ZNF597: variants seen among roughly 807,000 people sequenced by gnomAD.
ZNF597 encodes the protein zinc finger protein 597.
ZNF597 carries 5 observed loss-of-function variants against 7.3 expected under a neutral mutation model. The ratio of observed to expected loss-of-function variants is 0.68; its 90% CI spans 0.36 to 1.44. The LOEUF (loss-of-function observed/expected upper bound fraction) is 1.44, where lower values mean the gene tolerates loss of function less well. Among genes scored for constraint, ZNF597 ranks in the 40% most tolerant of loss-of-function variants. The pLI is 0.04. For synonymous variants in ZNF597, 209 were observed against 185.4 expected (o/e 1.13, Z -1.04); for missense variants, 585 against 517.9 (o/e 1.13, Z -1.26).
chr16:3,433,348 A>G lies in ZNF597; in HGVS notation c.*3076T>C, dbSNP rs565892338. The G allele has an allele frequency of 5.3e-5, 8 of 152,366 alleles. No individual in the cohort carries two copies. Among genetic ancestry groups the G allele is most frequent in the African/African-American group, 1.9e-4 (8 of 41,584 alleles). The allele number at this position is 152,366 out of a possible 1,614,324, so 9.4% of individuals were successfully genotyped here. A position where few individuals can be genotyped will look rare whatever the true frequency, so the allele number is the denominator to read the frequency against. Reference sequence around the variant, plus strand: ...GTTTAAAAGACTGTTTAACTATTCCAGCAATCATGTTAAGGAACTGTTGGA... The same window carrying G: ...GTTTAAAAGACTGTTTAACTATTCCGGCAATCATGTTAAGGAACTGTTGGA... On this transcript the variant is annotated 3_prime_UTR_variant, in exon 4 of 4. Coordinates refer to ENST00000301744, the MANE Select transcript of ZNF597 (RefSeq NM_152457.3).
intron 3 of ZNF597, among the ~76,000 whole-genome samples, chr16:3,438,857 G>C (rs2034333825): frequency 6.6e-6 from 1 of 152,054 alleles, no homozygotes; most frequent in Non-Finnish European, 1.5e-5. Context: ...AATACAAAAG[G>C]AACTTTTCTT....
Position 3,436,777 on chromosome 16 carries a change from A to T in ZNF597, c.922T>A (p.Ser308Thr), listed in dbSNP as rs1362074281. The change falls in exon 4 of 4, where the codon TCC becomes ACC. Residue 308 changes from serine to threonine, a missense_variant. Ser to Thr is a moderately conservative substitution (Grantham distance 58). Coordinates refer to ENST00000301744, the MANE Select transcript of ZNF597 (RefSeq NM_152457.3). ...HTKCMKSFRQ[S>T]LYPALSEKSH... ...TTCTCGGAAAGGGCAGGATATAAGG[A>T]CTGCCTGAAGCTCTTCATGCACTTA... 2 of 1,613,510 alleles carry T rather than the reference A, an allele frequency of 1.2e-6. No homozygotes were observed. Among genetic ancestry groups the T allele is most frequent in the Non-Finnish European group, 1.7e-6 (2 of 1,180,024 alleles).
rs954359479 is a variant in ZNF597 at position 3,435,263 on chromosome 16, A to G, written c.*1161T>C. 1.3e-5 allele frequency: 2 copies of G among 152,146 alleles called. No individual in the cohort carries two copies. Among genetic ancestry groups the G allele is most frequent in the South Asian group, 2.1e-4 (1 of 4,820 alleles). The allele number at this position is 152,146 out of a possible 1,614,324, so 9.4% of individuals were successfully genotyped here. On this transcript the variant is annotated 3_prime_UTR_variant, in exon 4 of 4. Transcript: ENST00000301744. ...GAGTCTTCTGCTGCTTTGTAACTGTATATGTTAGTCAGGCTTTGGGTACAG... is the reference window on the plus strand; with the variant it reads ...GAGTCTTCTGCTGCTTTGTAACTGTGTATGTTAGTCAGGCTTTGGGTACAG...
chr16:3,437,351 G>C lies in ZNF597; in HGVS notation c.348C>G (p.Val116=). 1 of 1,614,148 alleles carries C rather than the reference G, an allele frequency of 6.2e-7. No individual in the cohort carries two copies. The highest frequency in any genetic ancestry group is 1.3e-5 in the African/African-American group (1 of 75,028). Residue 116 remains valine (V), a synonymous_variant, in exon 4 of 4, where the codon GTC becomes GTG. Transcript: ENST00000301744. ...LSGTPTYKRR[V]ISLLVTIENH... ...TTTCAATGGTAACTAAAAGGCTGAT[G>C]ACCCTTCTCTTGTAAGTGGGAGTTC...
In ZNF597 at chr16:3,433,920, A is replaced by G. The variant is rs930087972; in HGVS notation, c.*2504T>C. The G allele has an allele frequency of 6.6e-6, 1 of 151,990 alleles. No individual in the cohort carries two copies. 9.4% of individuals were successfully genotyped at this position (151,990 alleles called of 1,614,324 possible). On this transcript the variant is annotated 3_prime_UTR_variant, in exon 4 of 4. Coordinates refer to ENST00000301744, the MANE Select transcript of ZNF597 (RefSeq NM_152457.3). The stretch of plus-strand genomic sequence containing the variant: ...TATGTTAATGTTTCTGAAAAGGGCT[A>G]TTTTTTCTAATCTTTTAGGAAGTTT...
rs1164024674 is a variant in ZNF597 at position 3,436,943 on chromosome 16, G to C, written c.756C>G (p.Leu252=). The part of the protein sequence containing the change: ...CSICGRGFMW[L]PGLAQHQKSH... ...TTTTCTGATGCTGTGCCAATCCTGG[G>C]AGCCACATAAAACCTCTACCACATA... Residue 252 remains leucine, a synonymous_variant, in exon 4 of 4, where the codon CTC becomes CTG. Transcript: ENST00000301744. 1 of 1,614,034 alleles carries C rather than the reference G, an allele frequency of 6.2e-7. No homozygotes were observed. Among genetic ancestry groups the C allele is most frequent in the East Asian group, 2.2e-5 (1 of 44,896 alleles).
intron 3 of ZNF597, among the ~76,000 whole-genome samples, chr16:3,440,125 G>A (rs1310556680): frequency 6.6e-6 from 1 of 152,184 alleles, no homozygotes; most frequent in Non-Finnish European, 1.5e-5. Context: ...GTCAGGCACA[G>A]GAGTCCATCT....
chr16:3,440,138 G>A (rs2150933876), intron 3 of ZNF597, among the ~76,000 whole-genome samples: 1 of 152,318 alleles, frequency 6.6e-6, no homozygotes, highest in East Asian at 1.9e-4. Context: ...GTCCATCTGT[G>A]TATGGTTCCC....
Position 3,436,422 on chromosome 16 carries a change from C to T in ZNF597, c.*2G>A. The T allele has an allele frequency of 6.2e-7, 1 of 1,611,080 alleles. No individual in the cohort carries two copies. Reference sequence around the variant, plus strand: ...CACTAATAACAATTTGTTATATTTACTTTACGTGGTGTTTTTTATGTGAGT... The same window carrying T: ...CACTAATAACAATTTGTTATATTTATTTTACGTGGTGTTTTTTATGTGAGT... On this transcript the variant is annotated 3_prime_UTR_variant, in exon 4 of 4. Coordinates refer to ENST00000301744, the MANE Select transcript of ZNF597 (RefSeq NM_152457.3).
chr16:3,436,476 G>C lies in ZNF597; in HGVS notation c.1223C>G (p.Ser408Trp), dbSNP rs1050729693. ...CTTATGAGTAATGAGATGCAAATTC[G>C]ACTTGAAAGTTTTCCCACACACGGT... ...KCTVCGKTFKSNLHLITHKRT... is the reference protein window; with the variant it reads ...KCTVCGKTFKWNLHLITHKRT... The change falls in exon 4 of 4, where the codon TCG becomes TGG. Residue 408 changes from serine (S) to tryptophan (W), a missense_variant. Physicochemically the swap from Ser to Trp is radical, Grantham distance 177. Transcript: ENST00000301744. 1 of 1,614,122 alleles carries C rather than the reference G, an allele frequency of 6.2e-7. No individual in the cohort carries two copies. The highest frequency in any genetic ancestry group is 2.2e-5 in the East Asian group (1 of 44,896).
At position 3,443,203 on chromosome 16, in the gene ZNF597, A is replaced by G; in HGVS notation, c.-50T>C. 6.3e-7 allele frequency: 1 copy of G among 1,588,556 alleles called. No individual in the cohort carries two copies. Among genetic ancestry groups the G allele is most frequent in the Non-Finnish European group, 8.6e-7 (1 of 1,163,692 alleles). Reference sequence around the variant, plus strand: ...CAAGACGCCACAGGGACTTCGTGACAAAGCTGCGGGGGGAGAGAACAGTTC... The same window carrying G: ...CAAGACGCCACAGGGACTTCGTGACGAAGCTGCGGGGGGAGAGAACAGTTC... On this transcript the variant is annotated 5_prime_UTR_variant, in exon 2 of 4. Transcript: ENST00000301744.
intron 3 of ZNF597, among the ~76,000 whole-genome samples, chr16:3,438,488 A>C (rs1261683895): frequency 6.6e-6 from 1 of 151,484 alleles, no homozygotes; most frequent in Non-Finnish European, 1.5e-5. Context: ...GCGTGAACCC[A>C]GGAGGCGGAG....
chr16:3,443,423 C>A lies in ZNF597; in HGVS notation c.-117G>T. ...GGAGCTGCAGAAAGCGACGCCCGAC[C>A]GAGACGCGACGAAGAACGCCACGGC... is the stretch of plus-strand genomic sequence containing the variant. On this transcript the variant is annotated 5_prime_UTR_variant, in exon 1 of 4. Transcript: ENST00000301744. 1.9e-6 allele frequency: 1 copy of A among 522,492 alleles called. No individual in the cohort carries two copies. Among genetic ancestry groups the A allele is most frequent in the African/African-American group, 2.0e-5 (1 of 50,632 alleles). 32.4% of individuals were successfully genotyped at this position (522,492 alleles called of 1,614,324 possible). A position where few individuals can be genotyped will look rare whatever the true frequency, so the allele number is the denominator to read the frequency against.
rs1290418480 is a variant in ZNF597, at chr16:3,434,534, A to C, written c.*1890T>G. 1.3e-5 allele frequency: 2 copies of C among 151,900 alleles called. No homozygotes were observed. The highest frequency in any genetic ancestry group is 1.3e-4 in the Admixed American group (2 of 15,230). The allele number at this position is 151,900 out of a possible 1,614,324, so 9.4% of individuals were successfully genotyped here. On this transcript the variant is annotated 3_prime_UTR_variant, in exon 4 of 4. Coordinates refer to ENST00000301744, the MANE Select transcript of ZNF597 (RefSeq NM_152457.3). ...ACATACAGAGCAGCACATTGTCTCAACTGTGGATCTGCAAACAAGAAACAA... is the reference window on the plus strand; with the variant it reads ...ACATACAGAGCAGCACATTGTCTCACCTGTGGATCTGCAAACAAGAAACAA...
In ZNF597 at chr16:3,436,946, C is replaced by T; in HGVS notation, c.753G>A (p.Trp251Ter). 6.2e-7 allele frequency: 1 copy of T among 1,614,148 alleles called. No homozygotes were observed. The highest frequency in any genetic ancestry group is 8.5e-7 in the Non-Finnish European group (1 of 1,180,034). The change falls in exon 4 of 4, where the codon TGG (tryptophan) becomes TGA (stop). Residue 251 changes from tryptophan (W) to a stop codon, truncating the protein, a stop_gained. Transcript: ENST00000301744. LOFTEE classifies it low-confidence loss of function (END_TRUNC). ...TCSICGRGFM[W>*]LPGLAQHQKS... ...TCTGATGCTGTGCCAATCCTGGGAG[C>T]CACATAAAACCTCTACCACATATGC...
intron 2 of ZNF597, among the ~76,000 whole-genome samples, chr16:3,441,969 G>C (rs2034383932): frequency 7.4e-6 from 1 of 135,724 alleles, no homozygotes; most frequent in Non-Finnish European, 1.5e-5. Context: ...GTCGCAGCGA[G>C]ACTGTCTCAA....
At chr16:3,441,919 G>A (rs1211596912) in intron 2 of ZNF597, among the ~76,000 whole-genome samples, 1 of 151,196 alleles carries the variant, frequency 6.6e-6, no homozygotes, top group Non-Finnish European at 1.5e-5. Context: ...GGCAGAGATT[G>A]CAGTGAGCCG....
At position 3,436,774 on chromosome 16, in the gene ZNF597, A is replaced by G; in HGVS notation, c.925T>C (p.Leu309=). The change falls in exon 4 of 4, where the codon TTA becomes CTA. Residue 309 remains leucine, a synonymous_variant. Transcript: ENST00000301744. The stretch of plus-strand genomic sequence containing the variant: ...CTCTTCTCGGAAAGGGCAGGATATA[A>G]GGACTGCCTGAAGCTCTTCATGCAC... ...TKCMKSFRQS[L]YPALSEKSHD... 1 of 1,613,646 alleles carries G rather than the reference A, an allele frequency of 6.2e-7. No individual in the cohort carries two copies.
chr16:3,439,135 T>C (rs761389100), intron 3 of ZNF597, among the ~76,000 whole-genome samples: 34 of 152,010 alleles, frequency 2.2e-4, no homozygotes, highest in African/African-American at 7.0e-4. Flanking sequence ...TCCCAGCACA[T>C]TGGGAGGCTG....
Sources: gnomAD v4.1 joint callset for allele counts (sites outside exome capture counted in the v4.1 genomes callset) on GRCh38, gnomAD v4.1.1 for gene constraint, MANE v1.5 for transcripts, NCBI Gene and HGNC (gene_info 2026-07-23, HGNC 2026-07-21) for gene names.